Variants in CMTM2 observed in about 807,000 individuals in gnomAD.
CMTM2 encodes CKLF-like MARVEL transmembrane domain-containing protein 2.
Under a neutral mutation model 16.8 loss-of-function variants are expected in CMTM2, and 15 were observed. The observed-to-expected ratio is 0.89, with a 90% CI of 0.60 to 1.37. The LOEUF (loss-of-function observed/expected upper bound fraction) is 1.37. CMTM2 is among the 40% of genes most tolerant of loss of function. The pLI, the probability that CMTM2 is intolerant of heterozygous loss-of-function variation, is 0.00. For missense variants in CMTM2, 282 were observed against 318.0 expected (o/e 0.89, Z 0.86); for synonymous variants, 117 against 118.7 (o/e 0.99, Z 0.09).
At chr16:66,584,182 C>T (rs1164952698) in intron 2 of CMTM2, among the ~76,000 whole-genome samples, 13 of 152,104 alleles carry the variant, frequency 8.5e-5, no homozygotes, top group Admixed American at 5.9e-4. Flanking sequence ...TACAGACATG[C>T]GCCACTAAGC....
intron 2 of CMTM2, among the ~76,000 whole-genome samples, chr16:66,581,831 T>G (rs2014738972): frequency 6.6e-6 from 1 of 152,204 alleles, no homozygotes; most frequent in Admixed American, 6.5e-5. Context: ...ATCTGCAGCC[T>G]AGAAACCTTC....
chr16:66,582,064 A>C (rs940532655), intron 2 of CMTM2, among the ~76,000 whole-genome samples: 4 of 152,184 alleles, frequency 2.6e-5, no homozygotes, highest in African/African-American at 9.6e-5. Context: ...CATTACTAAG[A>C]ATCAACAAAC....
At chr16:66,587,527 A>C (rs1597193050) in intron 3 of CMTM2, among the ~76,000 whole-genome samples, 1 of 151,742 alleles carries the variant, frequency 6.6e-6, no homozygotes, top group Non-Finnish European at 1.5e-5. Flanking sequence ...ACTGCACTCC[A>C]CCCCGGACGA....
chr16:66,583,504 G>C (rs1224295936), intron 2 of CMTM2, among the ~76,000 whole-genome samples: 2 of 149,282 alleles, frequency 1.3e-5, no homozygotes, highest in African/African-American at 4.9e-5. Flanking sequence ...AAAAAAAAAT[G>C]CTCTTTAAAA....
chr16:66,579,537 G>T lies in CMTM2; in HGVS notation c.-71G>T. 3 of 1,585,366 alleles carry T rather than the reference G, an allele frequency of 1.9e-6. No homozygotes were observed. In the Admixed American group the frequency reaches 5.1e-5, roughly 27 times the overall value. ...GGACACCAGGCACTCTAGTAGGCCT[G>T]GCCTACCCAGAAACAGCAGGAGAGA... On this transcript the variant is annotated 5_prime_UTR_variant, in exon 1 of 4. Coordinates refer to ENST00000268595, the MANE Select transcript of CMTM2 (RefSeq NM_144673.3). The surrounding 1 kb of genome is among the most constrained non-coding windows in gnomAD (Gnocchi z 6.5).
chr16:66,580,500 ACT>A, intron 2 of CMTM2: 2 of 318,110 alleles, frequency 6.3e-6, no homozygotes, highest in South Asian at 5.4e-5. Context: ...GTTCCTCCGA[ACT>A]CCTGTGCCAG....
chr16:66,585,209 G>A (rs939003738), intron 2 of CMTM2, among the ~76,000 whole-genome samples: 5 of 152,178 alleles, frequency 3.3e-5, no homozygotes, highest in African/African-American at 4.8e-5. Flanking sequence ...GCCTCCCAAA[G>A]TGCTGGGATT....
intron 2 of CMTM2, among the ~76,000 whole-genome samples, chr16:66,586,481 TAC>T (rs1379185854): frequency 1.3e-5 from 2 of 151,208 alleles, no homozygotes; most frequent in Non-Finnish European, 2.9e-5. Flanking sequence ...CTACTAAAAA[TAC>T]ACACAAAAAA....
chr16:66,584,480 G>C (rs2014770111), intron 2 of CMTM2, among the ~76,000 whole-genome samples: 1 of 152,196 alleles, frequency 6.6e-6, no homozygotes, highest in Non-Finnish European at 1.5e-5. Context: ...GCCAGGAAGA[G>C]AGCCCTCACC....
intron 2 of CMTM2, among the ~76,000 whole-genome samples, chr16:66,585,176 C>A (rs1457298472): frequency 1.3e-5 from 2 of 152,174 alleles, no homozygotes; most frequent in Non-Finnish European, 1.5e-5. Context: ...GAACTCCCAA[C>A]CTCAGGTGAT....
chr16:66,586,889 C>T lies in CMTM2; in HGVS notation c.445-108C>T, dbSNP rs116482478. The T allele has an allele frequency of 3.6e-3, 2,768 of 772,462 alleles. 42 individuals carry two copies. The highest frequency in any genetic ancestry group is 0.035 in the African/African-American group (2,069 of 58,812). The allele number at this position is 772,462 out of a possible 1,614,324, so 47.9% of individuals were successfully genotyped here. A position where few individuals can be genotyped will look rare whatever the true frequency, so the allele number is the denominator to read the frequency against. On this transcript the variant is annotated intron_variant, in intron 2 of 3. Coordinates refer to ENST00000268595, the MANE Select transcript of CMTM2 (RefSeq NM_144673.3). ...TATCTTTATGCATACATTTTAAAAT[C>T]AGGTGGAAATTTGCAAATCATTCCT...
intron 2 of CMTM2, among the ~76,000 whole-genome samples, chr16:66,585,573 G>A (rs916257002): frequency 1.2e-4 from 19 of 152,106 alleles, no homozygotes; most frequent in Admixed American, 2.0e-4. Context: ...CACAAATTCA[G>A]ACAGGAAAAC....
At chr16:66,586,592 G>C (rs1212413844) in intron 2 of CMTM2, among the ~76,000 whole-genome samples, 1 of 152,190 alleles carries the variant, frequency 6.6e-6, no homozygotes, top group African/African-American at 2.4e-5. Flanking sequence ...AGGCTGCAGT[G>C]AGCAGAAATT....
At chr16:66,587,772 C>A in intron 3 of CMTM2, 147 bp from the exon 4 acceptor site, 1 of 770,152 alleles carries the variant, frequency 1.3e-6, no homozygotes, top group Non-Finnish European at 2.2e-6. Flanking sequence ...GGAGTAGGCA[C>A]GCTCCTAGCC....
chr16:66,588,057 C>A lies in CMTM2; in HGVS notation c.685C>A (p.Pro229Thr). ...AAAAGGACCCCAGCAGGGCAAGGGA[C>A]CAGAACCCGCCAAGCCACCAGAACC... is the stretch of plus-strand genomic sequence containing the variant. The part of the protein sequence containing the change: ...KEKGPQQGKG[P>T]EPAKPPEPGK... The change falls in exon 4 of 4, where the codon CCA becomes ACA. Residue 229 changes from proline (P) to threonine (T), a missense_variant. By Grantham distance (38) the Pro-to-Thr change is conservative. Coordinates refer to ENST00000268595, the MANE Select transcript of CMTM2 (RefSeq NM_144673.3). 1.2e-6 allele frequency: 2 copies of A among 1,613,592 alleles called. No individual in the cohort carries two copies. The highest frequency in any genetic ancestry group is 2.2e-5 in the South Asian group (2 of 91,050).
chr16:66,580,953 C>T (rs533286888), intron 2 of CMTM2, among the ~76,000 whole-genome samples: 1 of 152,284 alleles, frequency 6.6e-6, no homozygotes, highest in African/African-American at 2.4e-5. Flanking sequence ...TCCCAAGTCC[C>T]TTTGTTCATT....
At chr16:66,582,334 A>G (rs1307351590) in intron 2 of CMTM2, among the ~76,000 whole-genome samples, 1 of 152,236 alleles carries the variant, frequency 6.6e-6, no homozygotes, top group African/African-American at 2.4e-5. Context: ...GTATGGGGAA[A>G]TTACCCAGAA....
In CMTM2 at chr16:66,587,792, T is replaced by TG. The variant is rs2144707112; in HGVS notation, c.547-125dup. On this transcript the variant is annotated intron_variant, in intron 3 of 3. Coordinates refer to ENST00000268595, the MANE Select transcript of CMTM2 (RefSeq NM_144673.3). ...AGGCACGCTCCTAGCCTCTCAGAGATGGTTGACATTTGAGGGGACATGGGG... is the reference window on the plus strand; with the variant it reads ...AGGCACGCTCCTAGCCTCTCAGAGATGGGTTGACATTTGAGGGGACATGGGG... 3 of 909,230 alleles carry TG rather than the reference T, an allele frequency of 3.3e-6. No homozygotes were observed. The South Asian group carries it at 4.6e-5, about 14-fold the overall frequency. The allele number at this position is 909,230 out of a possible 1,614,324, so 56.3% of individuals were successfully genotyped here.
intron 2 of CMTM2, among the ~76,000 whole-genome samples, chr16:66,582,246 T>C (rs73596630): frequency 0.023 from 3,435 of 152,288 alleles, 131 homozygotes; most frequent in African/African-American, 0.079. Context: ...GAAAATATAG[T>C]TATTGAAATA....
Sources: allele counts gnomAD v4.1 joint callset (sites outside exome capture counted in the v4.1 genomes callset), GRCh38; gene constraint gnomAD v4.1.1; non-coding constraint Gnocchi (gnomAD v3.1); transcripts MANE v1.5; gene names NCBI Gene and HGNC (gene_info 2026-07-23, HGNC 2026-07-21).